RIC1: variants seen among roughly 807,000 people sequenced by gnomAD.
RIC1 encodes the protein guanine nucleotide exchange factor subunit RIC1.
A neutral mutation model predicts 169.0 loss-of-function variants in RIC1; 88 were observed. The observed-to-expected ratio is 0.52, with a 90% CI of 0.44 to 0.62. The LOEUF (loss-of-function observed/expected upper bound fraction) is 0.62, where lower values mean the gene tolerates loss of function less well. RIC1 is among the 20% of genes least tolerant of loss of function. The pLI, the probability that RIC1 is intolerant of heterozygous loss-of-function variation, is 0.00. For synonymous variants in RIC1, 790 were observed against 601.5 expected (o/e 1.31, Z -4.59); for missense variants, 1,877 against 1,725.5 (o/e 1.09, Z -1.56).
intron 7 of RIC1, 65 bp from the exon 8 acceptor site, chr9:5,738,385 T>C: frequency 1.8e-6 from 2 of 1,114,902 alleles, no homozygotes; most frequent in East Asian, 2.4e-5. Context: ...ATAAGAGTTC[T>C]ATAATGCTTT....
At chr9:5,694,387 C>G (rs959037689) in intron 3 of RIC1, among the ~76,000 whole-genome samples, 1 of 152,126 alleles carries the variant, frequency 6.6e-6, no homozygotes, top group African/African-American at 2.4e-5. Flanking sequence ...TAATAATAAA[C>G]CTTGTTCTAC....
At chr9:5,743,546 CCA>C (rs1477033864) in intron 9 of RIC1, 141 bp from the exon 10 acceptor site, 6 of 662,176 alleles carry the variant, frequency 9.1e-6, no homozygotes, top group Admixed American at 2.8e-5. Context: ...GTGTATTAAC[CCA>C]CAGTTTTGTA....
intron 2 of RIC1, among the ~76,000 whole-genome samples, chr9:5,686,884 C>G (rs1289117335): frequency 6.6e-6 from 1 of 152,056 alleles, no homozygotes; most frequent in Admixed American, 6.5e-5. Flanking sequence ...GTGGTTCCTT[C>G]TCTTTGGTGT....
chr9:5,770,070 TCGGA>T lies in RIC1; in HGVS notation c.3425-15_3425-12del. On this transcript the variant is annotated splice_polypyrimidine_tract_variant and intron_variant, in intron 22 of 25. Transcript: ENST00000414202. The stretch of plus-strand genomic sequence containing the variant: ...CAATTTCTTCCTCCATTTTTTGTTT[TCGGA>T]CCCACTCTGCAGTGGGAGAGCAGCT... 7 of 1,585,550 alleles carry T rather than the reference TCGGA, an allele frequency of 4.4e-6. No individual in the cohort carries two copies. The Admixed American group carries it at 5.4e-5, about 12-fold the overall frequency.
At chr9:5,743,641 A>T in intron 9 of RIC1, 48 bp from the exon 10 acceptor site, 1 of 1,403,424 alleles carries the variant, frequency 7.1e-7, no homozygotes, top group Non-Finnish European at 9.9e-7. Flanking sequence ...TATGTGTATT[A>T]TATGTAATTG....
intron 3 of RIC1, among the ~76,000 whole-genome samples, chr9:5,696,310 C>A (rs1238407526): frequency 2.6e-5 from 4 of 152,008 alleles, no homozygotes; most frequent in African/African-American, 9.7e-5. Context: ...GCATTTAGAA[C>A]CTACTTTCTC....
At chr9:5,706,128 G>C (rs185008438) in intron 3 of RIC1, among the ~76,000 whole-genome samples, 2 of 152,214 alleles carry the variant, frequency 1.3e-5, no homozygotes, top group Admixed American at 6.5e-5. Context: ...CAGTGTCTTT[G>C]TCTGACTTTG....
At chr9:5,761,455 G>T (rs6476999) in intron 17 of RIC1, among the ~76,000 whole-genome samples, 7 of 151,792 alleles carry the variant, frequency 4.6e-5, no homozygotes, top group African/African-American at 1.5e-4. Flanking sequence ...TGGTACAGTC[G>T]TCTCTGATTT....
intron 12 of RIC1, among the ~76,000 whole-genome samples, 156 bp downstream of exon 12, chr9:5,747,661 C>T (rs997862826): frequency 1.3e-5 from 2 of 152,238 alleles, no homozygotes; most frequent in African/African-American, 4.8e-5. Context: ...TTCTTGTCCT[C>T]TAGTCTTCTC....
At chr9:5,698,661 G>A (rs1822044150) in intron 3 of RIC1, among the ~76,000 whole-genome samples, 1 of 152,164 alleles carries the variant, frequency 6.6e-6, no homozygotes, top group African/African-American at 2.4e-5. Context: ...AGAGGCCCAG[G>A]TTCCAGTTCA....
At chr9:5,742,813 A>AAAG in intron 8 of RIC1, 56 bp from the exon 9 acceptor site, 1 of 1,469,962 alleles carries the variant, frequency 6.8e-7, no homozygotes, top group Non-Finnish European at 9.3e-7. Flanking sequence ...AAAAAAAAAA[A>AAAG]CAAGTATTTC....
chr9:5,677,894 C>G (rs948126239), intron 2 of RIC1, among the ~76,000 whole-genome samples: 1 of 151,656 alleles, frequency 6.6e-6, no homozygotes, highest in Non-Finnish European at 1.5e-5. Flanking sequence ...TACATGTGCA[C>G]AATGTGTAGG....
At chr9:5,738,703 C>T (rs1305949996) in intron 8 of RIC1, among the ~76,000 whole-genome samples, 165 bp downstream of exon 8, 4 of 151,798 alleles carry the variant, frequency 2.6e-5, no homozygotes, top group African/African-American at 7.3e-5. Flanking sequence ...ATTGAGGGGC[C>T]GTGATTCTGT....
chr9:5,666,271 T>C (rs962086683), intron 2 of RIC1, among the ~76,000 whole-genome samples: 2 of 152,350 alleles, frequency 1.3e-5, no homozygotes, highest in Non-Finnish European at 1.5e-5. Flanking sequence ...ATATATGTGA[T>C]TTTTGTGTAT....
intron 4 of RIC1, among the ~76,000 whole-genome samples, chr9:5,714,978 A>G (rs1823144949): frequency 6.6e-6 from 1 of 152,238 alleles, no homozygotes; most frequent in Non-Finnish European, 1.5e-5. Flanking sequence ...TTGTTAGAGT[A>G]CTGTACAGAA....
intron 2 of RIC1, among the ~76,000 whole-genome samples, chr9:5,679,622 C>T (rs1820688810): frequency 6.6e-6 from 1 of 152,098 alleles, no homozygotes; most frequent in African/African-American, 2.4e-5. Context: ...GGAGTTCACT[C>T]ATGATTTGGC....
At chr9:5,716,610 A>G (rs1374001660) in intron 4 of RIC1, among the ~76,000 whole-genome samples, 1 of 152,192 alleles carries the variant, frequency 6.6e-6, no homozygotes, top group African/African-American at 2.4e-5. Flanking sequence ...CTGTGTCTCA[A>G]AAGAAACAAA....
At chr9:5,647,418 A>G (rs12344440) in intron 1 of RIC1, among the ~76,000 whole-genome samples, 21,090 of 152,234 alleles carry the variant, frequency 0.14, 2,656 homozygotes, top group African/African-American at 0.34. Flanking sequence ...CATCTTAACA[A>G]TATTAAATTT....
intron 1 of RIC1, among the ~76,000 whole-genome samples, chr9:5,638,650 A>G (rs1818090032): frequency 6.6e-6 from 1 of 151,922 alleles, no homozygotes; most frequent in Non-Finnish European, 1.5e-5. Context: ...GTTTGTGATG[A>G]TCGTTTGAAT....
Sources: allele counts gnomAD v4.1 joint callset (sites outside exome capture counted in the v4.1 genomes callset), GRCh38; gene constraint gnomAD v4.1.1; transcripts MANE v1.5; gene names NCBI Gene and HGNC (gene_info 2026-07-23, HGNC 2026-07-21).